The following ENPP1 variants were observed in gnomAD, a reference collection of about 807,000 sequenced individuals.
ENPP1 encodes the protein ectonucleotide pyrophosphatase/phosphodiesterase family member 1.
In ENPP1, 73 loss-of-function variants were observed where a neutral mutation model predicts 122.8. The ratio of observed to expected loss-of-function variants is 0.59; its 90% CI spans 0.49 to 0.72. The LOEUF (loss-of-function observed/expected upper bound fraction) is 0.72. Ranked by LOEUF, ENPP1 falls within the 30% of genes least tolerant of loss-of-function variation. The probability of loss-of-function intolerance (pLI) is 0.00; values close to 1 mark genes in which losing one functional copy is unlikely to be tolerated. For synonymous variants in ENPP1, 367 were observed against 391.6 expected, an observed-to-expected ratio of 0.94 and a Z score of 0.74; for missense variants, 978 against 1,128.1, an observed-to-expected ratio of 0.87 and a Z score of 1.91.
At chr6:131,861,245 A>G (rs1418717912) in intron 8 of ENPP1, among the ~76,000 whole-genome samples, 1 of 152,174 alleles carries the variant, frequency 6.6e-6, no homozygotes, top group Non-Finnish European at 1.5e-5. Context: ...TAGGAATACT[A>G]TTTAGAACCA....
chr6:131,879,763 A>T, intron 19 of ENPP1, 117 bp from the exon 20 acceptor site: 1 of 910,056 alleles, frequency 1.1e-6, no homozygotes, highest in Admixed American at 2.0e-5. Context: ...TTTTTTTAAT[A>T]GTTAAAAGTA....
chr6:131,884,885 G>A (rs374658237), intron 22 of ENPP1, 46 bp from the exon 23 acceptor site: 3 of 1,605,550 alleles, frequency 1.9e-6, no homozygotes, highest in South Asian at 2.2e-5. Flanking sequence ...ACGTCAACAT[G>A]GTCCCTTGTT....
At chr6:131,848,301 T>C (rs904157518) in intron 2 of ENPP1, among the ~76,000 whole-genome samples, 3 of 152,156 alleles carry the variant, frequency 2.0e-5, no homozygotes, top group African/African-American at 4.8e-5. Context: ...TCTAGATATA[T>C]TTTTCTTTCC....
rs189841666 is a variant in ENPP1, at chr6:131,818,223, A to G, written c.240+9948A>G. 1.6e-4 allele frequency among the ~76,000 whole-genome samples: 24 copies of G among 152,176 alleles called. 1 individual carries two copies. Among genetic ancestry groups the G allele is most frequent in the Admixed American group, 1.2e-3 (19 of 15,278 alleles). On this transcript the variant is annotated intron_variant, in intron 1 of 24. Coordinates refer to ENST00000647893, the MANE Select transcript of ENPP1 (RefSeq NM_006208.3). The stretch of plus-strand genomic sequence containing the variant: ...TTTACACCGTGGTATTAAAGGAGTG[A>G]TGGCACCTTAGCAGACGTCATTGCA...
At chr6:131,820,569 C>T (rs1781472535) in intron 1 of ENPP1, 1 of 152,256 alleles carries the variant, frequency 6.6e-6, no homozygotes. Context: ...AACAAACTCT[C>T]AAGAACTAGG....
intron 24 of ENPP1, among the ~76,000 whole-genome samples, chr6:131,887,053 C>A (rs531510719): frequency 4.6e-5 from 7 of 151,596 alleles, no homozygotes; most frequent in South Asian, 4.2e-4. Flanking sequence ...TGTGAGCCAC[C>A]CTGCCTGGCC....
At chr6:131,875,722 C>T in intron 16 of ENPP1, 54 bp from the exon 17 acceptor site, 1 of 1,446,364 alleles carries the variant, frequency 6.9e-7, no homozygotes, top group South Asian at 1.1e-5. Context: ...ATTTTTGGGA[C>T]CAACTTGTAG....
At chr6:131,874,881 AT>A (rs1482522326) in intron 16 of ENPP1, among the ~76,000 whole-genome samples, 6 of 152,230 alleles carry the variant, frequency 3.9e-5, no homozygotes, top group African/African-American at 1.4e-4. Flanking sequence ...CTACTCAGCC[AT>A]AAAAAGGAAT....
chr6:131,890,264 TG>T, intron 24 of ENPP1, 76 bp from the exon 25 acceptor site: 1 of 1,138,508 alleles, frequency 8.8e-7, no homozygotes, highest in Non-Finnish European at 1.3e-6. Flanking sequence ...ATGATTAAAC[TG>T]GGGAGATGGA....
chr6:131,813,022 G>A (rs1461265173), intron 1 of ENPP1, among the ~76,000 whole-genome samples: 2 of 152,004 alleles, frequency 1.3e-5, no homozygotes, highest in South Asian at 4.2e-4. Context: ...TTGTATTTTA[G>A]TAGAGACAGG....
At chr6:131,833,525 G>T (rs1459449687) in intron 1 of ENPP1, among the ~76,000 whole-genome samples, 1 of 151,940 alleles carries the variant, frequency 6.6e-6, no homozygotes, top group Non-Finnish European at 1.5e-5. Context: ...GAACTCAAAT[G>T]TATCAACTTT....
At chr6:131,869,569 C>A in intron 13 of ENPP1, 80 bp downstream of exon 13, 1 of 1,470,168 alleles carries the variant, frequency 6.8e-7, no homozygotes, top group Non-Finnish European at 9.5e-7. Flanking sequence ...TGGCTCATGC[C>A]TGTAATCGCA....
intron 11 of ENPP1, among the ~76,000 whole-genome samples, chr6:131,866,434 G>A (rs906506815): frequency 6.6e-6 from 1 of 152,162 alleles, no homozygotes; most frequent in Non-Finnish European, 1.5e-5. Context: ...CAACAGCAGA[G>A]GAAGGAAGGG....
Position 131,893,996 on chromosome 6 carries a change from C to T in ENPP1, c.*3485C>T, listed in dbSNP as rs1782509849. The stretch of plus-strand genomic sequence containing the variant: ...TTTTTTTTTGAGATGCTCTGTCACC[C>T]AGGCTGGAGTGCAGTGGCAAGATCT... On this transcript the variant is annotated 3_prime_UTR_variant, in exon 25 of 25. Transcript: ENST00000647893. The T allele has an allele frequency of 8.3e-6, 1 of 120,640 alleles. No homozygotes were observed. Among genetic ancestry groups the T allele is most frequent in the Non-Finnish European group, 1.6e-5 (1 of 62,500 alleles). 7.5% of individuals were successfully genotyped at this position (120,640 alleles called of 1,614,324 possible). A position where few individuals can be genotyped will look rare whatever the true frequency, so the allele number is the denominator to read the frequency against.
chr6:131,850,967 T>G (rs748106753), intron 3 of ENPP1, among the ~76,000 whole-genome samples, 175 bp from the exon 4 acceptor site: 3 of 152,218 alleles, frequency 2.0e-5, no homozygotes, highest in Non-Finnish European at 4.4e-5. Flanking sequence ...TCCTACATAT[T>G]TTACCCCATT....
intron 1 of ENPP1, among the ~76,000 whole-genome samples, chr6:131,836,320 G>A (rs968281572): frequency 1.3e-5 from 2 of 152,114 alleles, no homozygotes; most frequent in South Asian, 4.2e-4. Flanking sequence ...CACCATGTTG[G>A]TCAGGCTGGT....
intron 9 of ENPP1, among the ~76,000 whole-genome samples, chr6:131,862,113 G>A (rs919245381): frequency 1.3e-5 from 2 of 152,038 alleles, no homozygotes; most frequent in African/African-American, 4.8e-5. Context: ...AGGTTGCAGT[G>A]AGCCGAGATC....
intron 13 of ENPP1, 74 bp from the exon 14 acceptor site, chr6:131,871,996 A>G (rs1477819033): frequency 5.2e-5 from 57 of 1,105,356 alleles, no homozygotes; most frequent in Non-Finnish European, 7.3e-5. Flanking sequence ...TGGATCTGAC[A>G]TTCTATATTT....
chr6:131,849,340 C>A (rs893746883), intron 2 of ENPP1, among the ~76,000 whole-genome samples: 3 of 151,966 alleles, frequency 2.0e-5, no homozygotes, highest in African/African-American at 7.3e-5. Context: ...AGGGGAAGGA[C>A]AAGGTTTTAT....
Sources: allele counts gnomAD v4.1 joint callset (sites outside exome capture counted in the v4.1 genomes callset), GRCh38; gene constraint gnomAD v4.1.1; transcripts MANE v1.5; gene names NCBI Gene and HGNC (gene_info 2026-07-23, HGNC 2026-07-21).